The following FAM81A variants were observed in gnomAD, a reference collection of about 807,000 sequenced individuals.
FAM81A encodes protein FAM81A.
In FAM81A, 19 loss-of-function variants were observed where a neutral mutation model predicts 46.7. That is an observed-to-expected ratio of 0.41 (90% CI 0.28 to 0.60). FAM81A has a LOEUF of 0.60. Ranked by LOEUF, FAM81A falls within the 20% of genes least tolerant of loss-of-function variation. The probability of loss-of-function intolerance (pLI) is 0.34; values close to 1 mark genes in which losing one functional copy is unlikely to be tolerated. For missense variants in FAM81A, 377 were observed against 453.5 expected, an observed-to-expected ratio of 0.83 and a Z score of 1.53; for synonymous variants, 183 against 152.9, an observed-to-expected ratio of 1.20 and a Z score of -1.45.
At chr15:59,494,312 T>C (rs1364843669) in intron 4 of FAM81A, among the ~76,000 whole-genome samples, 1 of 152,134 alleles carries the variant, frequency 6.6e-6, no homozygotes, top group Non-Finnish European at 1.5e-5. Flanking sequence ...AGGAGGACTC[T>C]GAGGATCTTC....
intron 2 of FAM81A, among the ~76,000 whole-genome samples, chr15:59,420,535 C>T (rs2081167022): frequency 1.3e-5 from 2 of 152,222 alleles, no homozygotes; most frequent in Non-Finnish European, 2.9e-5. Context: ...CATGTTGTTG[C>T]ATACCAAATG....
intron 2 of FAM81A, among the ~76,000 whole-genome samples, chr15:59,422,225 C>T (rs1306990713): frequency 1.3e-5 from 2 of 151,734 alleles, no homozygotes; most frequent in African/African-American, 4.8e-5. Context: ...TGTCTCTACA[C>T]AAAATAAAAA....
At chr15:59,418,892 T>C (rs1294757642) in intron 2 of FAM81A, among the ~76,000 whole-genome samples, 3 of 152,230 alleles carry the variant, frequency 2.0e-5, no homozygotes, top group Non-Finnish European at 4.4e-5. Flanking sequence ...GCCCTGTCCA[T>C]TGATATACAA....
intron 2 of FAM81A, among the ~76,000 whole-genome samples, chr15:59,413,417 A>AACACACACACACACAC (rs535000983): frequency 4.6e-4 from 62 of 134,416 alleles, no homozygotes; most frequent in Non-Finnish European, 8.0e-4. Context: ...GAGAGCATTA[A>AACACACACACACACAC]ACACACACAC....
chr15:59,503,526 G>T (rs140643629), intron 4 of FAM81A, among the ~76,000 whole-genome samples: 1 of 151,512 alleles, frequency 6.6e-6, no homozygotes, highest in African/African-American at 2.4e-5. Context: ...TTTTTAATTG[G>T]ATATGGAGTA....
At chr15:59,403,524 G>A (rs571524240) in intron 2 of FAM81A, among the ~76,000 whole-genome samples, 6 of 152,196 alleles carry the variant, frequency 3.9e-5, no homozygotes, top group Non-Finnish European at 8.8e-5. Flanking sequence ...CTCGAACTGG[G>A]AGAATATACA....
intron 4 of FAM81A, among the ~76,000 whole-genome samples, chr15:59,504,872 C>G (rs1198919239): frequency 6.6e-6 from 1 of 152,094 alleles, no homozygotes; most frequent in Admixed American, 6.6e-5. Context: ...TCTCTTTAGT[C>G]TGTAGCTTTT....
chr15:59,450,670 C>T (rs1488505069), intron 1 of FAM81A, among the ~76,000 whole-genome samples: 1 of 152,006 alleles, frequency 6.6e-6, no homozygotes, highest in African/African-American at 2.4e-5. Context: ...TTCCATTGTC[C>T]AGAACAGAGC....
At chr15:59,400,462 C>T (rs1181571669) in intron 1 of FAM81A, among the ~76,000 whole-genome samples, 2 of 152,158 alleles carry the variant, frequency 1.3e-5, no homozygotes. Flanking sequence ...GCTCAGACCC[C>T]CCTACCCCAT....
intron 3 of FAM81A, among the ~76,000 whole-genome samples, chr15:59,488,775 G>C (rs2081949312): frequency 6.6e-6 from 1 of 151,952 alleles, no homozygotes; most frequent in African/African-American, 2.4e-5. Flanking sequence ...TCAGGAATTT[G>C]AGACCAGCCT....
At chr15:59,443,482 C>T (rs554161383) in intron 1 of FAM81A, among the ~76,000 whole-genome samples, 14 of 152,278 alleles carry the variant, frequency 9.2e-5, no homozygotes, top group African/African-American at 2.9e-4. Flanking sequence ...AATCTGGGAC[C>T]GTTTCCCAGT....
At chr15:59,493,262 G>A (rs1018165430) in intron 4 of FAM81A, among the ~76,000 whole-genome samples, 5 of 152,304 alleles carry the variant, frequency 3.3e-5, no homozygotes, top group African/African-American at 9.6e-5. Flanking sequence ...CAGACAACGT[G>A]TCGAGGGCCT....
rs2082244257 is a variant in FAM81A at position 59,514,291 on chromosome 15, T to G, written c.653T>G (p.Phe218Cys). Residue 218 changes from phenylalanine (F) to cysteine (C), a missense_variant and splice_region_variant, in exon 7 of 9, where the codon TTT (phenylalanine) becomes TGT (cysteine). Transcript: ENST00000288228. ...AACTTGCAATTTTTTTTTTTTAGAT[T>G]TAAAGGTACAGTTGAGGAACTCAGT... ...NHQLQLLDTKFKGTVEELSNQ... is the reference protein window; with the variant it reads ...NHQLQLLDTKCKGTVEELSNQ... 1 of 1,574,754 alleles carries G rather than the reference T, an allele frequency of 6.4e-7. No individual in the cohort carries two copies. Among genetic ancestry groups the G allele is most frequent in the Non-Finnish European group, 8.6e-7 (1 of 1,167,936 alleles).
In FAM81A at chr15:59,460,528, CAT is replaced by C. The variant is rs2081539580; in HGVS notation, c.294+325_294+326del. 1 of 406,424 alleles carries C rather than the reference CAT, an allele frequency of 2.5e-6. No homozygotes were observed. Among genetic ancestry groups the C allele is most frequent in the African/African-American group, 2.0e-5 (1 of 48,806 alleles). 25.2% of individuals were successfully genotyped at this position (406,424 alleles called of 1,614,324 possible). On this transcript the variant is annotated intron_variant, in intron 3 of 8. Coordinates refer to ENST00000288228, the MANE Select transcript of FAM81A (RefSeq NM_152450.3). The surrounding 1 kb of genome is among the most constrained non-coding windows in gnomAD (Gnocchi z 4.4). ...CGAATAGTTTCACTCTATAATCTTT[CAT>C]ATCTTTGAAGACAGCTATTAAGTCA...
At chr15:59,402,437 G>A (rs1380308169) in intron 2 of FAM81A, 3 of 152,482 alleles carry the variant, frequency 2.0e-5, no homozygotes, top group Non-Finnish European at 4.4e-5. Flanking sequence ...CAAGCCTCAT[G>A]CCCATTATAC....
Position 59,468,080 on chromosome 15 carries a change from G to A in FAM81A, c.294+7874G>A, listed in dbSNP as rs148153483. Among the ~76,000 whole-genome samples, 1,676 of 152,222 alleles carry A rather than the reference G, an allele frequency of 0.011. 102 individuals are homozygous for A. In the East Asian group the frequency reaches 0.19, roughly 18 times the overall value. ...AAGCCAACTTGATCTTGGTGGATAAGCTTTTTGATGTGCTGCTGGATTCGG... is the reference window on the plus strand; with the variant it reads ...AAGCCAACTTGATCTTGGTGGATAAACTTTTTGATGTGCTGCTGGATTCGG... On this transcript the variant is annotated intron_variant, in intron 3 of 8. Coordinates refer to ENST00000288228, the MANE Select transcript of FAM81A (RefSeq NM_152450.3).
chr15:59,468,095 G>A (rs562818443), intron 3 of FAM81A, among the ~76,000 whole-genome samples: 1 of 152,250 alleles, frequency 6.6e-6, no homozygotes, highest in Admixed American at 6.5e-5. Flanking sequence ...TTGATGTGCT[G>A]CTGGATTCGG....
At chr15:59,503,878 C>A (rs1029871471) in intron 4 of FAM81A, among the ~76,000 whole-genome samples, 6 of 152,140 alleles carry the variant, frequency 3.9e-5, no homozygotes, top group Non-Finnish European at 7.3e-5. Context: ...CAGCCCTAGC[C>A]ACTGTTGTAT....
intron 1 of FAM81A, among the ~76,000 whole-genome samples, chr15:59,448,179 C>T (rs972926549): frequency 2.0e-5 from 3 of 152,038 alleles, no homozygotes; most frequent in African/African-American, 7.3e-5. Flanking sequence ...GCTTTTGAGA[C>T]CACCATGGAC....
Sources: allele counts gnomAD v4.1 joint callset (sites outside exome capture counted in the v4.1 genomes callset), GRCh38; gene constraint gnomAD v4.1.1; non-coding constraint Gnocchi (gnomAD v3.1); transcripts MANE v1.5; gene names NCBI Gene and HGNC (gene_info 2026-07-23, HGNC 2026-07-21).